VPS13C: variants seen among roughly 807,000 people sequenced by gnomAD.
VPS13C encodes vacuolar protein sorting 13 homolog C.
A neutral mutation model predicts 456.8 loss-of-function variants in VPS13C; 358 were observed. That is an observed-to-expected ratio of 0.78 (90% CI 0.72 to 0.86). The LOEUF is 0.86. Ranked by LOEUF, VPS13C falls within the 40% of genes least tolerant of loss-of-function variation. The pLI is 0.00. For synonymous variants in VPS13C, 1,578 were observed against 1,486.7 expected (o/e 1.06, Z -1.41); for missense variants, 4,818 against 4,385.4 (o/e 1.10, Z -2.79).
intron 6 of VPS13C, among the ~76,000 whole-genome samples, chr15:62,025,154 T>C (rs1292211777): frequency 2.0e-5 from 3 of 152,026 alleles, no homozygotes; most frequent in Non-Finnish European, 4.4e-5. Context: ...TAAAAAAAAT[T>C]CAGATCCAAC....
intron 1 of VPS13C, among the ~76,000 whole-genome samples, chr15:62,060,044 G>A (rs1285885118): frequency 6.6e-6 from 1 of 152,210 alleles, no homozygotes; most frequent in Non-Finnish European, 1.5e-5. Context: ...GACGAGAAAG[G>A]TGGGAACTTT....
chr15:61,901,575 C>T (rs2042997368), intron 66 of VPS13C, among the ~76,000 whole-genome samples: 1 of 152,164 alleles, frequency 6.6e-6, no homozygotes, highest in Non-Finnish European at 1.5e-5. Context: ...CCATCTCACA[C>T]CAGTTAGAAT....
chr15:61,945,959 C>T (rs137961993), intron 44 of VPS13C, 77 bp from the exon 45 acceptor site: 167 of 1,216,200 alleles, frequency 1.4e-4, no homozygotes, highest in Middle Eastern at 1.0e-3. Context: ...AATAAGTTCT[C>T]GTATTACAGA....
intron 17 of VPS13C, 114 bp from the exon 18 acceptor site, chr15:61,991,208 A>C: frequency 2.6e-6 from 2 of 767,646 alleles, no homozygotes; most frequent in Non-Finnish European, 4.1e-6. Flanking sequence ...TGCTAAAGCA[A>C]AATTAGCCAG....
chr15:61,991,629 TTTAAC>T, intron 17 of VPS13C, 39 bp downstream of exon 17: 1 of 1,531,708 alleles, frequency 6.5e-7, no homozygotes, highest in Non-Finnish European at 8.8e-7. Flanking sequence ...ACAGTTTTTT[TTTAAC>T]TTAACACTGT....
intron 4 of VPS13C, among the ~76,000 whole-genome samples, chr15:62,034,658 A>C (rs1163517697): frequency 6.6e-6 from 1 of 151,878 alleles, no homozygotes; most frequent in Non-Finnish European, 1.5e-5. Flanking sequence ...ATTTATTATC[A>C]GTAAATCTGC....
At position 61,872,126 on chromosome 15, in the gene VPS13C, T is replaced by TAAC. The variant is rs148689903; in HGVS notation, c.10579-95_10579-93dup. 3.6e-5 allele frequency: 36 copies of TAAC among 987,912 alleles called. 1 individual carries two copies. Among genetic ancestry groups the TAAC allele is most frequent in the South Asian group, 6.4e-5 (4 of 62,372 alleles). The allele number at this position is 987,912 out of a possible 1,614,324, so 61.2% of individuals were successfully genotyped here. A position where few individuals can be genotyped will look rare whatever the true frequency, so the allele number is the denominator to read the frequency against. Reference sequence around the variant, plus strand: ...GAGGTCTCTACAGACATACTGGAAATAACAACAACAACAACAAAAATTGAA... The same window carrying TAAC: ...GAGGTCTCTACAGACATACTGGAAATAACAACAACAACAACAACAAAAATTGAA... On this transcript the variant is annotated intron_variant, in intron 78 of 84. Transcript: ENST00000644861.
intron 66 of VPS13C, among the ~76,000 whole-genome samples, chr15:61,898,079 C>T (rs577479479): frequency 1.3e-5 from 2 of 151,988 alleles, no homozygotes; most frequent in Admixed American, 6.6e-5. Flanking sequence ...ACCAGACATG[C>T]CCTATAAGAG....
chr15:61,936,869 T>C, intron 47 of VPS13C, 119 bp from the exon 48 acceptor site: 1 of 1,065,054 alleles, frequency 9.4e-7, no homozygotes, highest in Non-Finnish European at 1.3e-6. Flanking sequence ...AGAAGAGAGT[T>C]AGAGTTAGGA....
At position 61,907,370 on chromosome 15, in the gene VPS13C, A is replaced by G. The variant is rs779903052; in HGVS notation, c.8999T>C (p.Val3000Ala). The change falls in exon 66 of 85, where the codon GTC (valine) becomes GCC (alanine). Residue 3000 changes from valine to alanine, a missense_variant. Val to Ala is a moderately conservative substitution (Grantham distance 64, BLOSUM62 0). Transcript: ENST00000644861. Reference sequence around the variant, plus strand: ...AAGTCGAGCCTGTCTTGGCAGCAAGACCATTTCTTCTGGTGACCCACTAAA... The same window carrying G: ...AAGTCGAGCCTGTCTTGGCAGCAAGGCCATTTCTTCTGGTGACCCACTAAA... ...YKQSGSPEEM[V>A]LLPRQARLFA... The G allele has an allele frequency of 8.1e-6, 13 of 1,613,974 alleles. No homozygotes were observed. Among genetic ancestry groups the G allele is most frequent in the Non-Finnish European group, 1.1e-5 (13 of 1,179,856 alleles).
intron 61 of VPS13C, among the ~76,000 whole-genome samples, chr15:61,915,136 C>T (rs372144705): frequency 6.6e-6 from 1 of 151,982 alleles, no homozygotes; most frequent in East Asian, 1.9e-4. Flanking sequence ...ATACAAAAGC[C>T]TAGAGGTGAG....
intron 66 of VPS13C, among the ~76,000 whole-genome samples, chr15:61,900,685 C>G (rs1228715975): frequency 6.6e-6 from 1 of 150,924 alleles, no homozygotes; most frequent in African/African-American, 2.4e-5. Context: ...CCATACTGCC[C>G]AAGGTAATTT....
intron 45 of VPS13C, among the ~76,000 whole-genome samples, chr15:61,943,670 C>T (rs2044507513): frequency 6.6e-6 from 1 of 151,838 alleles, no homozygotes; most frequent in Admixed American, 6.6e-5. Context: ...AGTGTAAGAC[C>T]TCAAACTATA....
chr15:62,057,268 G>A (rs1178215690), intron 1 of VPS13C, among the ~76,000 whole-genome samples: 1 of 152,114 alleles, frequency 6.6e-6, no homozygotes, highest in African/African-American at 2.4e-5. Flanking sequence ...AGTTGTCAAA[G>A]AAGATTATAT....
chr15:61,884,265 C>T lies in VPS13C; in HGVS notation c.9346G>A (p.Gly3116Ser), dbSNP rs1345306762. Residue 3116 changes from glycine to serine, a missense_variant, in exon 68 of 85, where the codon GGT becomes AGT. Around this residue, in one of 3 missense-constraint regions of VPS13C, gnomAD observed 4,552 missense variants for 4,130.6 expected, o/e 1.10. Coordinates refer to ENST00000644861, the MANE Select transcript of VPS13C (RefSeq NM_020821.3). ...EVSYIGITSSGVVWEVKPKQK... is the reference protein window; with the variant it reads ...EVSYIGITSSSVVWEVKPKQK... ...TTTGGTTTCACCTCCCAAACAACACCAGAACTAAATAATTCACACAAAAAA... is the reference window on the plus strand; with the variant it reads ...TTTGGTTTCACCTCCCAAACAACACTAGAACTAAATAATTCACACAAAAAA... 1.2e-6 allele frequency: 2 copies of T among 1,609,436 alleles called. No individual in the cohort carries two copies. The highest frequency in any genetic ancestry group is 1.3e-5 in the African/African-American group (1 of 74,674).
At position 61,858,262 on chromosome 15, in the gene VPS13C, C is replaced by A. The variant is rs1261902077; in HGVS notation, c.10953-1853G>T. On this transcript the variant is annotated intron_variant, in intron 82 of 84. Transcript: ENST00000644861. This position sits in a 1 kb window ranked among gnomAD's most constrained non-coding sequence, Gnocchi z 4.4. Reference sequence around the variant, plus strand: ...TTCAAATCTTGGTCTTCTACTCACACACTCCCTCAGAATGGTCTCTCAGAT... The same window carrying A: ...TTCAAATCTTGGTCTTCTACTCACAAACTCCCTCAGAATGGTCTCTCAGAT... 1.3e-5 allele frequency among the ~76,000 whole-genome samples: 2 copies of A among 152,102 alleles called. No homozygotes were observed. The highest frequency in any genetic ancestry group is 1.5e-5 in the Non-Finnish European group (1 of 68,016).
intron 5 of VPS13C, among the ~76,000 whole-genome samples, chr15:62,030,606 G>A (rs760964008): frequency 3.9e-5 from 6 of 152,134 alleles, no homozygotes; most frequent in African/African-American, 1.2e-4. Flanking sequence ...TGTGACCTGC[G>A]CAGTGAACAA....
intron 2 of VPS13C, among the ~76,000 whole-genome samples, chr15:62,043,972 T>C (rs1219123588): frequency 6.6e-6 from 1 of 152,136 alleles, no homozygotes; most frequent in African/African-American, 2.4e-5. Context: ...TACAAAACTA[T>C]ACAGTCAAAT....
intron 1 of VPS13C, among the ~76,000 whole-genome samples, chr15:62,053,819 A>T (rs1364913256): frequency 6.6e-6 from 1 of 152,188 alleles, no homozygotes; most frequent in Non-Finnish European, 1.5e-5. Context: ...GGAAGTGTCA[A>T]GAGTGGGATA....
Sources: gnomAD v4.1 joint callset for allele counts (sites outside exome capture counted in the v4.1 genomes callset) on GRCh38, gnomAD v4.1.1 for gene constraint, gnomAD v4.1.1 regional missense constraint, Gnocchi (gnomAD v3.1) non-coding constraint, MANE v1.5 for transcripts, NCBI Gene and HGNC (gene_info 2026-07-23, HGNC 2026-07-21) for gene names.